MSRA: variants seen among roughly 807,000 people sequenced by gnomAD.
MSRA encodes the protein mitochondrial peptide methionine sulfoxide reductase.
Under a neutral mutation model 31.3 loss-of-function variants are expected in MSRA, and 54 were observed. The observed-to-expected ratio is 1.73, with a 90% CI of 1.39 to 2.17. The LOEUF is 2.17. Among genes scored for constraint, MSRA ranks in the 30% most tolerant of loss-of-function variants. MSRA has a pLI of 0.00. For missense variants in MSRA, 507 were observed against 300.9 expected (o/e 1.69, Z -5.07); for synonymous variants, 169 against 116.5 (o/e 1.45, Z -2.90).
chr8:10,334,150 CAACT>C (rs1273261886), intron 5 of MSRA, among the ~76,000 whole-genome samples: 2 of 151,430 alleles, frequency 1.3e-5, no homozygotes, highest in Non-Finnish European at 2.9e-5. Flanking sequence ...CTTATCTTAC[CAACT>C]AACATATAGG....
intron 1 of MSRA, among the ~76,000 whole-genome samples, chr8:10,173,278 C>G (rs551342238): frequency 6.6e-5 from 10 of 152,354 alleles, no homozygotes; most frequent in African/African-American, 1.9e-4. Flanking sequence ...AGCCTTTGTT[C>G]TCTGCCATGT....
chr8:10,421,401 C>T (rs886952666), intron 5 of MSRA, among the ~76,000 whole-genome samples: 4 of 152,172 alleles, frequency 2.6e-5, no homozygotes, highest in African/African-American at 4.8e-5. Flanking sequence ...TCCTGGTCTC[C>T]ACTCTGGGCT....
intron 1 of MSRA, among the ~76,000 whole-genome samples, chr8:10,132,434 C>T (rs150009423): frequency 4.6e-5 from 7 of 152,144 alleles, no homozygotes; most frequent in Non-Finnish European, 8.8e-5. Context: ...TAGCAGCATA[C>T]CGTAGGCTGG....
chr8:10,219,805 C>CAATAAAAAAA (rs202000887), intron 2 of MSRA, among the ~76,000 whole-genome samples: 2 of 46,072 alleles, frequency 4.3e-5, no homozygotes, highest in Non-Finnish European at 6.4e-5. Flanking sequence ...GACTCTGTCT[C>CAATAAAAAAA]CAAAAAAAAA....
chr8:10,154,109 A>T (rs974393895), intron 1 of MSRA, among the ~76,000 whole-genome samples: 3 of 152,166 alleles, frequency 2.0e-5, no homozygotes, highest in Non-Finnish European at 2.9e-5. Flanking sequence ...CATAATATAG[A>T]TTGTATATTT....
At chr8:10,259,303 A>G (rs1408430975) in intron 3 of MSRA, among the ~76,000 whole-genome samples, 3 of 152,170 alleles carry the variant, frequency 2.0e-5, no homozygotes, top group Non-Finnish European at 4.4e-5. Flanking sequence ...AGTGCCCCAG[A>G]GGCTAAATAA....
intron 1 of MSRA, among the ~76,000 whole-genome samples, chr8:10,185,220 G>A (rs1257979587): frequency 6.6e-6 from 1 of 152,190 alleles, no homozygotes; most frequent in Non-Finnish European, 1.5e-5. Flanking sequence ...CTGTCTGCAA[G>A]GGGCATTTCA....
intron 3 of MSRA, among the ~76,000 whole-genome samples, chr8:10,256,975 C>G (rs754618365): frequency 6.6e-6 from 1 of 152,090 alleles, no homozygotes; most frequent in African/African-American, 2.4e-5. Context: ...ACATTTCTTT[C>G]CTTCATAATA....
chr8:10,344,782 C>T (rs897326461), intron 5 of MSRA, among the ~76,000 whole-genome samples: 1 of 152,024 alleles, frequency 6.6e-6, no homozygotes, highest in Non-Finnish European at 1.5e-5. Flanking sequence ...AGGTGGTGTA[C>T]AAGACCTCAG....
chr8:10,080,317 CT>C (rs201769416), intron 1 of MSRA, among the ~76,000 whole-genome samples: 1,485 of 141,638 alleles, frequency 0.01, 7 homozygotes, highest in African/African-American at 0.018. Context: ...TTTTTTAAAT[CT>C]TTTTTTTTTT....
intron 1 of MSRA, chr8:10,096,276 A>G: frequency 8.6e-7 from 1 of 1,158,234 alleles, no homozygotes; most frequent in Non-Finnish European, 1.1e-6. Context: ...CCAGAAAGGC[A>G]AGCTGAAGAC....
At chr8:10,249,610 C>G (rs149680996) in intron 3 of MSRA, among the ~76,000 whole-genome samples, 252 of 152,292 alleles carry the variant, frequency 1.7e-3, no homozygotes, top group African/African-American at 5.8e-3. Flanking sequence ...TGAATTCTAA[C>G]CCCTCTGAAA....
rs551727627 is a variant in MSRA, at chr8:10,259,133, A to G, written c.331+13910A>G. 3.9e-5 allele frequency among the ~76,000 whole-genome samples: 6 copies of G among 151,952 alleles called. No individual in the cohort carries two copies. The South Asian group carries it at 1.0e-3, about 26-fold the overall frequency. ...AAAAAAAAAAAAGAGGCAGATATAT[A>G]TGTTCATCTGTTGCCTTTGACCTTG... On this transcript the variant is annotated intron_variant, in intron 3 of 5. Coordinates refer to ENST00000317173, the MANE Select transcript of MSRA (RefSeq NM_012331.5).
chr8:10,197,349 T>G (rs1333068833), intron 1 of MSRA, among the ~76,000 whole-genome samples: 1 of 152,180 alleles, frequency 6.6e-6, no homozygotes, highest in Non-Finnish European at 1.5e-5. Context: ...AAAATGGAAT[T>G]AATGATGATG....
chr8:10,364,050 G>A (rs1358924895), intron 5 of MSRA, among the ~76,000 whole-genome samples: 1 of 152,130 alleles, frequency 6.6e-6, no homozygotes, highest in Non-Finnish European at 1.5e-5. Flanking sequence ...CTCTGCCAGA[G>A]AAAACGGTCC....
chr8:10,170,871 C>T lies in MSRA; in HGVS notation c.143-36962C>T, dbSNP rs567598666. Among the ~76,000 whole-genome samples, 63 of 152,314 alleles carry T rather than the reference C, an allele frequency of 4.1e-4. 1 individual carries two copies. The highest frequency in any genetic ancestry group is 1.4e-3 in the African/African-American group (57 of 41,572). ...AAGACATAGATGATCATGTCTTCTG[C>T]GAATAATGATAGCTGATTTCTTCCT... On this transcript the variant is annotated intron_variant, in intron 1 of 5. Coordinates refer to ENST00000317173, the MANE Select transcript of MSRA (RefSeq NM_012331.5).
intron 1 of MSRA, among the ~76,000 whole-genome samples, chr8:10,157,410 C>T (rs144841024): frequency 2.4e-4 from 37 of 152,170 alleles, no homozygotes; most frequent in African/African-American, 8.7e-4. Flanking sequence ...GTTGATATCT[C>T]AGTTAATTTG....
chr8:10,088,907 A>G (rs117076732), intron 1 of MSRA, among the ~76,000 whole-genome samples: 51 of 152,358 alleles, frequency 3.3e-4, no homozygotes, highest in Non-Finnish European at 6.5e-4. Context: ...ACATAATCTC[A>G]CTTATATGAA....
intron 5 of MSRA, among the ~76,000 whole-genome samples, chr8:10,333,729 C>G (rs919500327): frequency 2.6e-5 from 4 of 151,948 alleles, no homozygotes; most frequent in South Asian, 2.1e-4. Flanking sequence ...AGCCGGCCCC[C>G]CTCCATGTTC....
Sources: gnomAD v4.1 joint callset for allele counts (sites outside exome capture counted in the v4.1 genomes callset) on GRCh38, gnomAD v4.1.1 for gene constraint, MANE v1.5 for transcripts, NCBI Gene and HGNC (gene_info 2026-07-23, HGNC 2026-07-21) for gene names.